Variants in PLD1 observed in about 807,000 individuals in gnomAD.
PLD1 encodes the protein choline phosphatase 1.
Under a neutral mutation model 137.1 loss-of-function variants are expected in PLD1, and 112 were observed. That is an observed-to-expected ratio of 0.82 (90% CI 0.70 to 0.96). The LOEUF is 0.96. PLD1 is among the 40% of genes least tolerant of loss of function. The pLI is 0.00. For synonymous variants in PLD1, 431 were observed against 454.7 expected (o/e 0.95, Z 0.66); for missense variants, 1,321 against 1,342.0 (o/e 0.98, Z 0.24).
chr3:171,642,960 T>A, intron 22 of PLD1, 71 bp from the exon 23 acceptor site: 2 of 830,842 alleles, frequency 2.4e-6, no homozygotes, highest in East Asian at 2.5e-5. Context: ...TATCTGTAGG[T>A]TTAATCCTAA....
chr3:171,743,079 CCT>C (rs1719896765), intron 1 of PLD1, among the ~76,000 whole-genome samples: 1 of 152,072 alleles, frequency 6.6e-6, no homozygotes. Context: ...ATGAGTGTAA[CCT>C]GGGCAACTAC....
chr3:171,660,594 ATT>A (rs1560190342), intron 20 of PLD1, among the ~76,000 whole-genome samples: 1 of 151,346 alleles, frequency 6.6e-6, no homozygotes, highest in Non-Finnish European at 1.5e-5. Context: ...AAAGCTGATT[ATT>A]TTATTTTTTA....
At chr3:171,629,636 A>G (rs1473814621) in intron 23 of PLD1, among the ~76,000 whole-genome samples, 1 of 151,946 alleles carries the variant, frequency 6.6e-6, no homozygotes, top group Non-Finnish European at 1.5e-5. Context: ...CAGTAACCAA[A>G]ACAGCATGGT....
chr3:171,639,846 C>A (rs186803094), intron 23 of PLD1, among the ~76,000 whole-genome samples: 5,008 of 103,436 alleles, frequency 0.048, 184 homozygotes, highest in African/African-American at 0.13. Flanking sequence ...CTCTCTCTCT[C>A]TCTATATATA....
intron 12 of PLD1, among the ~76,000 whole-genome samples, chr3:171,696,047 T>C (rs1371973726): frequency 6.6e-6 from 1 of 152,226 alleles, no homozygotes; most frequent in East Asian, 1.9e-4. Flanking sequence ...TCCTGTCATT[T>C]CTCAGTTCTG....
chr3:171,639,846 C>CTATATATATATATATA (rs771002250), intron 23 of PLD1, among the ~76,000 whole-genome samples: 1 of 103,860 alleles, frequency 9.6e-6, no homozygotes, highest in African/African-American at 4.1e-5. Context: ...CTCTCTCTCT[C>CTATATATATATATATA]TCTATATATA....
At chr3:171,700,993 G>A (rs1214698769) in intron 11 of PLD1, among the ~76,000 whole-genome samples, 1 of 152,206 alleles carries the variant, frequency 6.6e-6, no homozygotes, top group Non-Finnish European at 1.5e-5. Flanking sequence ...ACTATGTCAG[G>A]ATGAAAGCCT....
chr3:171,679,370 T>G (rs562507661), intron 16 of PLD1, among the ~76,000 whole-genome samples: 2 of 152,316 alleles, frequency 1.3e-5, no homozygotes, highest in African/African-American at 4.8e-5. Context: ...CTTCTCCCAG[T>G]GATTTATTTT....
intron 19 of PLD1, among the ~76,000 whole-genome samples, chr3:171,669,822 CAG>C (rs1712557625): frequency 6.6e-6 from 1 of 152,186 alleles, no homozygotes; most frequent in African/African-American, 2.4e-5. Flanking sequence ...TCCTGTGAGA[CAG>C]ATACTGTCAT....
chr3:171,770,804 G>A (rs774540800), intron 1 of PLD1, among the ~76,000 whole-genome samples: 12 of 149,026 alleles, frequency 8.1e-5, no homozygotes, highest in African/African-American at 2.0e-4. Flanking sequence ...TGGGAGGATC[G>A]CTTGAGCCCA....
intron 21 of PLD1, among the ~76,000 whole-genome samples, chr3:171,656,699 T>C (rs752252437): frequency 7.8e-4 from 118 of 152,254 alleles, no homozygotes; most frequent in Non-Finnish European, 1.6e-3. Context: ...ACAGGTGAGA[T>C]CCACTGTACA....
intron 1 of PLD1, chr3:171,793,662 G>A (rs1309525777): frequency 6.6e-6 from 1 of 152,184 alleles, no homozygotes. Flanking sequence ...TGATCACAGA[G>A]ATGGCCACCG....
At chr3:171,779,497 C>G (rs7630635) in intron 1 of PLD1, among the ~76,000 whole-genome samples, 68,833 of 152,000 alleles carry the variant, frequency 0.45, 16,353 homozygotes, top group Middle Eastern at 0.67. Context: ...GGCAAATCAG[C>G]AGTGCCATTT....
At chr3:171,701,454 G>C (rs1255844995) in intron 11 of PLD1, among the ~76,000 whole-genome samples, 4 of 152,168 alleles carry the variant, frequency 2.6e-5, no homozygotes, top group Non-Finnish European at 5.9e-5. Flanking sequence ...CATTAAATAT[G>C]GGCTCAAAGA....
intron 23 of PLD1, among the ~76,000 whole-genome samples, chr3:171,620,770 T>TA (rs1560151135): frequency 1.8e-4 from 19 of 107,106 alleles, no homozygotes; most frequent in African/African-American, 2.9e-4. Flanking sequence ...ATATATATAT[T>TA]ATATATATTT....
intron 19 of PLD1, among the ~76,000 whole-genome samples, chr3:171,663,370 T>C (rs1409612950): frequency 1.3e-5 from 2 of 152,240 alleles, no homozygotes; most frequent in South Asian, 2.1e-4. Flanking sequence ...AACTATTTAC[T>C]GGCTGTTGAT....
chr3:171,600,985 A>C lies in PLD1; in HGVS notation c.*2093T>G, dbSNP rs181148942. 3 of 152,340 alleles carry C rather than the reference A, an allele frequency of 2.0e-5. No individual in the cohort carries two copies. The East Asian group carries it at 5.8e-4, about 29-fold the overall frequency. 9.4% of individuals were successfully genotyped at this position (152,340 alleles called of 1,614,324 possible). ...ATGGAGCTTACATTCTAGTAGGGGG[A>C]GACAGACAAACACATAAATACAAAA... On this transcript the variant is annotated 3_prime_UTR_variant, in exon 27 of 27. Transcript: ENST00000351298.
At chr3:171,768,596 C>T (rs1011287427) in intron 1 of PLD1, among the ~76,000 whole-genome samples, 2 of 152,236 alleles carry the variant, frequency 1.3e-5, no homozygotes, top group African/African-American at 4.8e-5. Flanking sequence ...AATACCACTA[C>T]TACTCCTAGT....
At chr3:171,691,561 C>G (rs1408841286) in intron 13 of PLD1, among the ~76,000 whole-genome samples, 1 of 152,150 alleles carries the variant, frequency 6.6e-6, no homozygotes, top group East Asian at 1.9e-4. Flanking sequence ...AGTTTAACTT[C>G]AGTAACATAC....
Sources: gnomAD v4.1 joint callset for allele counts (sites outside exome capture counted in the v4.1 genomes callset) on GRCh38, gnomAD v4.1.1 for gene constraint, MANE v1.5 for transcripts, NCBI Gene and HGNC (gene_info 2026-07-23, HGNC 2026-07-21) for gene names.